Variants in SLC60A2 observed in about 807,000 individuals in gnomAD.
SLC60A2 encodes solute carrier family 60 member 2.
the SLC60A2 span, chr6:111,265,120 T>C: frequency 5.3e-6 from 1 of 187,226 alleles, no homozygotes; most frequent in Non-Finnish European, 1.0e-5. Context: ...AGATGACATC[T>C]GTTTACTCCT....
the SLC60A2 span, among the ~76,000 whole-genome samples, chr6:111,274,249 A>G: frequency 6.6e-6 from 1 of 152,208 alleles, no homozygotes; most frequent in Non-Finnish European, 1.5e-5. Flanking sequence ...CTTTATCATT[A>G]TATAATGATT....
the SLC60A2 span, among the ~76,000 whole-genome samples, chr6:111,272,622 A>G: frequency 1.4e-5 from 2 of 141,468 alleles, no homozygotes; most frequent in African/African-American, 5.3e-5. Flanking sequence ...AGCCATTCTC[A>G]TTCCTCAGCC....
At chr6:111,261,799 G>A in the SLC60A2 span, among the ~76,000 whole-genome samples, 1 of 151,986 alleles carries the variant, frequency 6.6e-6, no homozygotes, top group African/African-American at 2.4e-5. Context: ...TCACTGTGTT[G>A]GCCACGCTGG....
chr6:111,259,522 T>C, the SLC60A2 span: 2 of 545,078 alleles, frequency 3.7e-6, no homozygotes, highest in South Asian at 5.1e-5. Flanking sequence ...CAAGACGACT[T>C]CTCCGGAGCC....
the SLC60A2 span, chr6:111,270,329 CTTAG>C: frequency 2.6e-5 from 4 of 152,124 alleles, no homozygotes; most frequent in Non-Finnish European, 5.9e-5. Context: ...TGCGGATCAC[CTTAG>C]AGCATGCCTG....
chr6:111,262,830 C>G, the SLC60A2 span, among the ~76,000 whole-genome samples: 1 of 152,110 alleles, frequency 6.6e-6, no homozygotes, highest in Non-Finnish European at 1.5e-5. Flanking sequence ...AGAGGGGAAG[C>G]GAGGTTGGGT....
At chr6:111,271,774 C>CAAAAAAAAAAAA in the SLC60A2 span, among the ~76,000 whole-genome samples, 1 of 6,272 alleles carries the variant, frequency 1.6e-4, no homozygotes, top group Non-Finnish European at 3.6e-4. Flanking sequence ...CCCATCTCTA[C>CAAAAAAAAAAAA]TAAAAAAAAA....
chr6:111,273,871 G>C, the SLC60A2 span, among the ~76,000 whole-genome samples: 3 of 152,148 alleles, frequency 2.0e-5, no homozygotes, highest in African/African-American at 7.2e-5. Context: ...AACTACAGGT[G>C]TGTGTCACCA....
At chr6:111,271,073 A>G in the SLC60A2 span, 4 of 144,408 alleles carry the variant, frequency 2.8e-5, no homozygotes, top group Admixed American at 1.5e-4. Context: ...CTGTGCCTTT[A>G]ACCTACTGAA....
chr6:111,272,168 A>T, the SLC60A2 span, among the ~76,000 whole-genome samples: 1 of 151,966 alleles, frequency 6.6e-6, no homozygotes, highest in Admixed American at 6.6e-5. Context: ...ATGCCTGGCT[A>T]ATTTTTGTAT....
chr6:111,271,978 T>C, the SLC60A2 span, among the ~76,000 whole-genome samples: 1 of 151,818 alleles, frequency 6.6e-6, no homozygotes, highest in Non-Finnish European at 1.5e-5. Context: ...AAATTTAAAA[T>C]AACCAGAACT....
chr6:111,259,597 T>A, the SLC60A2 span: 3 of 1,318,582 alleles, frequency 2.3e-6, no homozygotes, highest in South Asian at 2.9e-5. Context: ...CAGCGGCTCC[T>A]GCAGGCGGAG....
chr6:111,263,786 C>T, the SLC60A2 span: 2 of 1,027,364 alleles, frequency 1.9e-6, no homozygotes, highest in Non-Finnish European at 3.1e-6. Flanking sequence ...TGATCCATGA[C>T]TGCATGGATA....
the SLC60A2 span, among the ~76,000 whole-genome samples, chr6:111,272,598 G>C: frequency 6.9e-6 from 1 of 144,930 alleles, no homozygotes; most frequent in Non-Finnish European, 1.5e-5. Flanking sequence ...TGCAACCTCT[G>C]TCTCCCAGGT....
chr6:111,276,374 CAAGT>C, the SLC60A2 span, among the ~76,000 whole-genome samples: 1 of 152,006 alleles, frequency 6.6e-6, no homozygotes, highest in African/African-American at 2.4e-5. Context: ...TTTTCTTAAT[CAAGT>C]TTTTCCAGAA....
At chr6:111,277,294 G>C in the SLC60A2 span, among the ~76,000 whole-genome samples, 7 of 152,202 alleles carry the variant, frequency 4.6e-5, no homozygotes, top group Non-Finnish European at 1.0e-4. Context: ...ACACCAAATT[G>C]CAGACTTTTT....
chr6:111,267,222 AT>A, the SLC60A2 span: 1 of 1,184,260 alleles, frequency 8.4e-7, no homozygotes, highest in Non-Finnish European at 1.2e-6. Flanking sequence ...GGGGATTAAA[AT>A]TTTTAGGTCC....
At chr6:111,263,046 T>C in the SLC60A2 span, among the ~76,000 whole-genome samples, 1 of 152,028 alleles carries the variant, frequency 6.6e-6, no homozygotes, top group Non-Finnish European at 1.5e-5. Context: ...CAAGCGATCC[T>C]CCCATCTCAG....
At chr6:111,259,728 G>GT in the SLC60A2 span, 1 of 1,589,152 alleles carries the variant, frequency 6.3e-7, no homozygotes, top group Non-Finnish European at 8.6e-7. Flanking sequence ...CCTGGGGCTG[G>GT]TGAGAGCCGG....
Sources: allele counts gnomAD v4.1 joint callset (sites outside exome capture counted in the v4.1 genomes callset), GRCh38; gene constraint gnomAD v4.1.1; transcripts MANE v1.5; gene names NCBI Gene and HGNC (gene_info 2026-07-23, HGNC 2026-07-21).